The following REDIC1 variants were observed in gnomAD, a reference collection of about 807,000 sequenced individuals.
REDIC1 encodes the protein regulator of DNA class I crossover intermediates 1.
At chr12:39,884,177 C>T in the REDIC1 span, among the ~76,000 whole-genome samples, 1 of 152,140 alleles carries the variant, frequency 6.6e-6, no homozygotes, top group Non-Finnish European at 1.5e-5. Flanking sequence ...CTATGTTGCT[C>T]AGGCTGGTCT....
the REDIC1 span, among the ~76,000 whole-genome samples, chr12:39,710,733 T>C: frequency 6.6e-6 from 1 of 151,792 alleles, no homozygotes; most frequent in South Asian, 2.1e-4. Flanking sequence ...CTTTTGTATC[T>C]TCTATGATGT....
chr12:39,713,305 C>CATACGTGTATATATGTGTATACACAT, the REDIC1 span, among the ~76,000 whole-genome samples: 3 of 18,694 alleles, frequency 1.6e-4, no homozygotes, highest in East Asian at 1.2e-3. Flanking sequence ...TGTACACACA[C>CATACGTGTATATATGTGTATACACAT]ATACGTGTAT....
At chr12:39,711,857 A>ATATG in the REDIC1 span, among the ~76,000 whole-genome samples, 3 of 68,154 alleles carry the variant, frequency 4.4e-5, no homozygotes, top group Admixed American at 2.4e-4. Flanking sequence ...ATGCATGTGT[A>ATATG]TGTGTATACA....
the REDIC1 span, among the ~76,000 whole-genome samples, chr12:39,741,921 G>T: frequency 2.6e-5 from 4 of 152,202 alleles, no homozygotes; most frequent in Non-Finnish European, 5.9e-5. Flanking sequence ...GCCTGCAGAT[G>T]TGACTTAACC....
the REDIC1 span, among the ~76,000 whole-genome samples, chr12:39,630,398 G>A: frequency 2.6e-5 from 4 of 152,060 alleles, no homozygotes; most frequent in African/African-American, 9.7e-5. Context: ...AAAGGCCTAG[G>A]CAAAGTTCTG....
chr12:39,712,874 CACGTATATA>C, the REDIC1 span, among the ~76,000 whole-genome samples: 1 of 142,126 alleles, frequency 7.0e-6, no homozygotes, highest in East Asian at 2.1e-4. Context: ...CACGTATATA[CACGTATATA>C]CATATATGCA....
At chr12:39,651,283 G>A in the REDIC1 span, among the ~76,000 whole-genome samples, 3 of 152,062 alleles carry the variant, frequency 2.0e-5, no homozygotes, top group East Asian at 1.9e-4. Flanking sequence ...TTTGGACTGC[G>A]GTTGACTGTG....
At chr12:39,713,773 TTG>T in the REDIC1 span, among the ~76,000 whole-genome samples, 1 of 148,896 alleles carries the variant, frequency 6.7e-6, no homozygotes, top group Non-Finnish European at 1.5e-5. Context: ...ATATATATAT[TTG>T]TACGTAAATA....
chr12:39,906,588 T>C, the REDIC1 span, among the ~76,000 whole-genome samples: 1 of 152,156 alleles, frequency 6.6e-6, no homozygotes, highest in African/African-American at 2.4e-5. Flanking sequence ...CTGTGAAAGT[T>C]AAACCTAGTT....
the REDIC1 span, among the ~76,000 whole-genome samples, chr12:39,844,554 T>C: frequency 6.6e-6 from 1 of 152,062 alleles, no homozygotes; most frequent in African/African-American, 2.4e-5. Flanking sequence ...AAAGCATTCA[T>C]AACATATAAA....
the REDIC1 span, among the ~76,000 whole-genome samples, chr12:39,712,557 G>T: frequency 5.8e-4 from 81 of 139,968 alleles, no homozygotes; most frequent in African/African-American, 1.7e-3. Context: ...CACGACATAT[G>T]TGTATATACG....
chr12:39,724,798 C>T, the REDIC1 span, among the ~76,000 whole-genome samples: 1 of 151,710 alleles, frequency 6.6e-6, no homozygotes, highest in Non-Finnish European at 1.5e-5. Context: ...TATATATAAG[C>T]ATAAATTATC....
the REDIC1 span, among the ~76,000 whole-genome samples, chr12:39,691,373 A>G: frequency 1.3e-5 from 2 of 152,162 alleles, no homozygotes; most frequent in Non-Finnish European, 1.5e-5. Context: ...AAATTTTTAT[A>G]AGCCCATGAT....
At chr12:39,896,354 A>ATGTGTATATATGTATACATATATGTATG in the REDIC1 span, among the ~76,000 whole-genome samples, 8 of 83,188 alleles carry the variant, frequency 9.6e-5, no homozygotes, top group African/African-American at 4.3e-4. Context: ...ATATGTATGT[A>ATGTGTATATATGTATACATATATGTATG]TATGTGTATA....
the REDIC1 span, among the ~76,000 whole-genome samples, chr12:39,751,960 G>A: frequency 1.1e-4 from 17 of 152,288 alleles, no homozygotes; most frequent in Middle Eastern, 3.4e-3. Context: ...TAAATGATGA[G>A]TTAATGGGTG....
the REDIC1 span, among the ~76,000 whole-genome samples, chr12:39,890,412 C>A: frequency 6.6e-6 from 1 of 152,050 alleles, no homozygotes; most frequent in Non-Finnish European, 1.5e-5. Context: ...CTTTACCTGG[C>A]AAAGGGAAAG....
the REDIC1 span, among the ~76,000 whole-genome samples, chr12:39,697,908 C>T: frequency 2.0e-5 from 3 of 152,082 alleles, no homozygotes; most frequent in African/African-American, 7.2e-5. Flanking sequence ...CTTTACTTAT[C>T]AATAATGACT....
At chr12:39,714,207 A>T in the REDIC1 span, among the ~76,000 whole-genome samples, 336 of 69,634 alleles carry the variant, frequency 4.8e-3, 24 homozygotes, top group African/African-American at 9.6e-3. Context: ...ATGTATATAC[A>T]TGCATATACG....
chr12:39,861,787 C>T, the REDIC1 span, among the ~76,000 whole-genome samples: 1 of 152,084 alleles, frequency 6.6e-6, no homozygotes, highest in African/African-American at 2.4e-5. Context: ...TACAGGTGGC[C>T]AAACATTTTC....
Sources: allele counts gnomAD v4.1 joint callset (sites outside exome capture counted in the v4.1 genomes callset), GRCh38; gene constraint gnomAD v4.1.1; transcripts MANE v1.5; gene names NCBI Gene and HGNC (gene_info 2026-07-23, HGNC 2026-07-21).